DST: variants seen among roughly 807,000 people sequenced by gnomAD.
DST encodes the protein bullous pemphigoid antigen.
In DST, 253 loss-of-function variants were observed where a neutral mutation model predicts 875.2. That is an observed-to-expected ratio of 0.29 (90% confidence interval 0.26 to 0.32). The LOEUF is 0.32. DST is among the 10% of genes least tolerant of loss of function. DST has a pLI of 1.00. For missense variants in DST, 8,287 were observed against 9,111.6 expected, an observed-to-expected ratio of 0.91 and a Z score of 3.68; for synonymous variants, 3,124 against 3,197.1, an observed-to-expected ratio of 0.98 and a Z score of 0.77.
intron 10 of DST, among the ~76,000 whole-genome samples, chr6:56,654,418 T>C (rs2098992744): frequency 6.6e-6 from 1 of 151,994 alleles, no homozygotes; most frequent in South Asian, 2.1e-4. Context: ...GAAGTGAGAC[T>C]AAAAATTGCA....
Position 56,536,782 on chromosome 6 carries a change from C to G in DST, c.16767G>C (p.Lys5589Asn). ...DVNARWKTLN[K>N]KVAQRAAQLQ... Reference sequence around the variant, plus strand: ...ATGAAGGGGGTGAGAAAATTACCTTCTTATTGAGAGTCTTCCACCGTGCAT... The same window carrying G: ...ATGAAGGGGGTGAGAAAATTACCTTGTTATTGAGAGTCTTCCACCGTGCAT... Residue 5589 changes from lysine to asparagine, a missense_variant, in exon 62 of 104, where the codon AAG becomes AAC. Transcript: ENST00000680361. The G allele has an allele frequency of 6.5e-7, 1 of 1,546,508 alleles. No homozygotes were observed. Among genetic ancestry groups the G allele is most frequent in the Non-Finnish European group, 8.7e-7 (1 of 1,143,860 alleles).
intron 4 of DST, among the ~76,000 whole-genome samples, chr6:56,807,453 G>A (rs946608360): frequency 3.3e-5 from 5 of 152,104 alleles, no homozygotes; most frequent in Admixed American, 1.3e-4. Flanking sequence ...AAACAATTAC[G>A]TAAAAGGACA....
At chr6:56,891,983 C>A (rs1405614384) in intron 3 of DST, among the ~76,000 whole-genome samples, 3 of 152,182 alleles carry the variant, frequency 2.0e-5, no homozygotes, top group African/African-American at 7.2e-5. Flanking sequence ...CAGATGTCAG[C>A]AGAACACCAT....
chr6:56,878,592 C>T (rs1780594377), intron 3 of DST, among the ~76,000 whole-genome samples: 1 of 152,226 alleles, frequency 6.6e-6, no homozygotes, highest in African/African-American at 2.4e-5. Context: ...CAGGAATACA[C>T]AAGCAAAGAA....
At chr6:56,770,248 A>G (rs1490916494) in intron 4 of DST, among the ~76,000 whole-genome samples, 1 of 152,226 alleles carries the variant, frequency 6.6e-6, no homozygotes, top group East Asian at 1.9e-4. Context: ...ACAAATCATG[A>G]AAAGTCCCAC....
intron 57 of DST, 104 bp downstream of exon 57, chr6:56,561,204 A>T: frequency 7.9e-7 from 1 of 1,267,406 alleles, no homozygotes; most frequent in Non-Finnish European, 1.1e-6. Context: ...AAGGTTACAG[A>T]GCTAGAAAAG....
At chr6:56,661,521 T>G (rs902367258) in intron 10 of DST, among the ~76,000 whole-genome samples, 1 of 151,862 alleles carries the variant, frequency 6.6e-6, no homozygotes, top group African/African-American at 2.4e-5. Flanking sequence ...GTTGATTACA[T>G]ACTTCCTAAA....
intron 85 of DST, among the ~76,000 whole-genome samples, chr6:56,490,140 T>C (rs1043861634): frequency 9.2e-5 from 14 of 152,278 alleles, no homozygotes; most frequent in Admixed American, 2.6e-4. Context: ...AATGCAAAGA[T>C]AGTTCAACAT....
At chr6:56,657,241 A>G (rs2099013549) in intron 10 of DST, among the ~76,000 whole-genome samples, 1 of 152,166 alleles carries the variant, frequency 6.6e-6, no homozygotes, top group Admixed American at 6.5e-5. Context: ...CTACTGCCTT[A>G]TGCCCTCAGC....
chr6:56,649,685 A>G (rs1013124889), intron 12 of DST, among the ~76,000 whole-genome samples: 8 of 152,216 alleles, frequency 5.3e-5, no homozygotes, highest in Admixed American at 2.6e-4. Flanking sequence ...TCATATTGGG[A>G]AATCATAGCT....
intron 55 of DST, among the ~76,000 whole-genome samples, chr6:56,565,410 C>G (rs572574003): frequency 1.3e-5 from 2 of 152,284 alleles, no homozygotes; most frequent in East Asian, 1.9e-4. Context: ...TCAGCCACCA[C>G]GCCCGGCTAA....
chr6:56,633,629 T>C (rs898130733), intron 27 of DST, among the ~76,000 whole-genome samples: 1 of 151,578 alleles, frequency 6.6e-6, no homozygotes, highest in African/African-American at 2.4e-5. Flanking sequence ...GCCTCCCGAG[T>C]AGCTAAGATT....
At chr6:56,848,492 G>T (rs904277913) in intron 4 of DST, among the ~76,000 whole-genome samples, 1 of 152,140 alleles carries the variant, frequency 6.6e-6, no homozygotes, top group Non-Finnish European at 1.5e-5. Context: ...AACAAAATTA[G>T]AAGTTGAATT....
intron 89 of DST, 108 bp from the exon 90 acceptor site, chr6:56,482,286 G>C: frequency 3.3e-6 from 4 of 1,209,670 alleles, no homozygotes; most frequent in Non-Finnish European, 4.4e-6. Flanking sequence ...AAAAAAAAAA[G>C]TTTTAAATTT....
At chr6:56,781,630 A>G (rs1024961139) in intron 4 of DST, among the ~76,000 whole-genome samples, 124 of 152,284 alleles carry the variant, frequency 8.1e-4, no homozygotes, top group African/African-American at 2.9e-3. Context: ...AGGCTGAGAC[A>G]ATGGGGTTTT....
rs771201709 is a variant in DST at position 56,606,315 on chromosome 6, C to T, written c.8313G>A (p.Glu2771=). ...DSGSWRGRKE[E]YVTGQEFHSD... is the part of the protein sequence containing the mutation. ...AGTGAAATTCCTGTCCAGTTACATACTCTTCCTTTCTTCCTCTCCAACTGC... is the reference window on the plus strand; with the variant it reads ...AGTGAAATTCCTGTCCAGTTACATATTCTTCCTTTCTTCCTCTCCAACTGC... Residue 2771 remains glutamate (E), a synonymous_variant, in exon 40 of 104, where the codon GAG becomes GAA. Transcript: ENST00000680361. 6 of 1,608,594 alleles carry T rather than the reference C, an allele frequency of 3.7e-6. No individual in the cohort carries two copies. Among genetic ancestry groups the T allele is most frequent in the Non-Finnish European group, 5.1e-6 (6 of 1,177,132 alleles).
At chr6:56,591,674 T>C (rs1457641316) in intron 49 of DST, among the ~76,000 whole-genome samples, 4 of 152,066 alleles carry the variant, frequency 2.6e-5, no homozygotes, top group Non-Finnish European at 5.9e-5. Context: ...TCAAACCTGT[T>C]AAGAAAACAT....
At chr6:56,885,798 A>T (rs572834071) in intron 3 of DST, among the ~76,000 whole-genome samples, 1 of 152,336 alleles carries the variant, frequency 6.6e-6, no homozygotes, top group South Asian at 2.1e-4. Context: ...CAGAAGAGTG[A>T]GAAAATAAAT....
chr6:56,796,744 T>C (rs745964155), intron 4 of DST, among the ~76,000 whole-genome samples: 44 of 151,636 alleles, frequency 2.9e-4, no homozygotes, highest in Non-Finnish European at 5.1e-4. Flanking sequence ...AAAATAAATA[T>C]TGTTATATAC....
Sources: gnomAD v4.1 joint callset for allele counts (sites outside exome capture counted in the v4.1 genomes callset) on GRCh38, gnomAD v4.1.1 for gene constraint, MANE v1.5 for transcripts, NCBI Gene and HGNC (gene_info 2026-07-23, HGNC 2026-07-21) for gene names.